Variants in TMEM63B observed in about 807,000 individuals in gnomAD.
TMEM63B encodes transmembrane protein 63B.
TMEM63B carries 23 observed loss-of-function variants against 102.6 expected under a neutral mutation model. That is an observed-to-expected ratio of 0.22 (90% CI 0.16 to 0.32). The LOEUF is 0.32. Among genes scored for constraint, TMEM63B ranks in the 10% least tolerant of loss-of-function variants. TMEM63B has a pLI of 1.00. For missense variants in TMEM63B, 628 were observed against 1,095.9 expected (o/e 0.57, Z 6.03); for synonymous variants, 444 against 437.0 (o/e 1.02, Z -0.20).
chr6:44,127,313 A>C (rs1395726006), upstream of TMEM63B: 3 of 151,728 alleles, frequency 2.0e-5, no homozygotes, highest in African/African-American at 4.8e-5. Context: ...GGGAATGAGG[A>C]CTTAACGCCC....
At chr6:44,147,536 T>A in intron 12 of TMEM63B, 36 bp downstream of exon 12, 1 of 1,610,264 alleles carries the variant, frequency 6.2e-7, no homozygotes, top group Non-Finnish European at 8.5e-7. Flanking sequence ...CGGGAGAAGT[T>A]GGACAGGTCC....
intron 9 of TMEM63B, 72 bp from the exon 10 acceptor site, chr6:44,140,956 C>T (rs890725471): frequency 2.9e-6 from 4 of 1,374,332 alleles, no homozygotes; most frequent in Admixed American, 1.7e-5. Flanking sequence ...CTCTAGTGCC[C>T]CCCACCCCTC....
intron 4 of TMEM63B, 75 bp from the exon 5 acceptor site, chr6:44,136,274 C>T: frequency 8.0e-7 from 1 of 1,246,832 alleles, no homozygotes; most frequent in Non-Finnish European, 1.2e-6. Flanking sequence ...CCCTGGAGCT[C>T]TGGAGCACTC....
chr6:44,131,846 G>A (rs1278569557), intron 1 of TMEM63B, among the ~76,000 whole-genome samples: 1 of 151,330 alleles, frequency 6.6e-6, no homozygotes, highest in African/African-American at 2.4e-5. Flanking sequence ...ATCACTCTCT[G>A]GACACACCTC....
In TMEM63B at chr6:44,150,713, T is replaced by C; in HGVS notation, c.1673+84T>C. The C allele has an allele frequency of 7.1e-7, 1 of 1,415,150 alleles. No homozygotes were observed. 87.7% of individuals were successfully genotyped at this position (1,415,150 alleles called of 1,614,324 possible). ...AGACATTGCCAGCCCCATGGGAGGG[T>C]GCAACAAAGCTTCCAACTCCTGGAG... On this transcript the variant is annotated intron_variant, in intron 18 of 23. Transcript: ENST00000323267. This position sits in a 1 kb window ranked among gnomAD's most constrained non-coding sequence, Gnocchi z 4.7.
intron 18 of TMEM63B, among the ~76,000 whole-genome samples, chr6:44,151,247 C>T (rs1021926398): frequency 1.3e-5 from 2 of 152,060 alleles, no homozygotes; most frequent in African/African-American, 4.8e-5. Context: ...TCTGTATGGG[C>T]ATCTTCTCTG....
chr6:44,141,220 ATCCAGGAAGAAATGTCCGAT>A, intron 10 of TMEM63B, 122 bp downstream of exon 10: 2 of 986,060 alleles, frequency 2.0e-6, no homozygotes, highest in Non-Finnish European at 2.9e-6. Context: ...TAGAGATTAG[ATCCAGGAAGAAATGTCCGAT>A]TCCAGGGTGG....
Position 44,148,172 on chromosome 6 carries a change from C to T in TMEM63B, c.988-80C>T, listed in dbSNP as rs1765825283. The T allele has an allele frequency of 1.3e-6, 2 of 1,575,740 alleles. No homozygotes were observed. The highest frequency in any genetic ancestry group is 1.7e-6 in the Non-Finnish European group (2 of 1,162,162). ...AGCAGTGCCTGGCTTGTAGGAAGCCCCAAGTCAGCGTGGGCTGGATGCTGC... is the reference window on the plus strand; with the variant it reads ...AGCAGTGCCTGGCTTGTAGGAAGCCTCAAGTCAGCGTGGGCTGGATGCTGC... On this transcript the variant is annotated intron_variant, in intron 12 of 23. Coordinates refer to ENST00000323267, the MANE Select transcript of TMEM63B (RefSeq NM_018426.3). The surrounding 1 kb of genome is among the most constrained non-coding windows in gnomAD (Gnocchi z 5.1).
chr6:44,127,423 C>G (rs1296063928), upstream of TMEM63B: 1 of 152,276 alleles, frequency 6.6e-6, no homozygotes, highest in African/African-American at 2.4e-5. Context: ...CTCTTCCTAG[C>G]GCCTGCGCGC....
rs532592532 is a variant in TMEM63B at position 44,154,938 on chromosome 6, C to T, written c.*55C>T. 9 of 1,428,010 alleles carry T rather than the reference C, an allele frequency of 6.3e-6. No homozygotes were observed. Among genetic ancestry groups the T allele is most frequent in the South Asian group, 3.0e-5 (2 of 67,226 alleles). 88.5% of individuals were successfully genotyped at this position (1,428,010 alleles called of 1,614,324 possible). On this transcript the variant is annotated 3_prime_UTR_variant, in exon 24 of 24. Transcript: ENST00000323267. ...CTGCCCCACCCCACCCCCACTCCCACGGACACTAAAACGCTAATAATTTAT... is the reference window on the plus strand; with the variant it reads ...CTGCCCCACCCCACCCCCACTCCCATGGACACTAAAACGCTAATAATTTAT...
chr6:44,135,136 C>T (rs746995600), intron 3 of TMEM63B, 40 bp downstream of exon 3: 97 of 1,606,528 alleles, frequency 6.0e-5, no homozygotes, highest in Non-Finnish European at 7.9e-5. Flanking sequence ...TCCACACACA[C>T]ATCTTGTTCC....
intron 20 of TMEM63B, 37 bp from the exon 21 acceptor site, chr6:44,153,639 C>G (rs374406758): frequency 3.1e-5 from 50 of 1,597,298 alleles, no homozygotes; most frequent in Middle Eastern, 3.4e-4. Flanking sequence ...TTCGGCAGCA[C>G]TGGTTCCGAG....
Position 44,149,995 on chromosome 6 carries a change from G to A in TMEM63B, c.1520+30G>A, listed in dbSNP as rs774357238. 11 of 1,589,674 alleles carry A rather than the reference G, an allele frequency of 6.9e-6. No individual in the cohort carries two copies. The Admixed American group carries it at 8.6e-5, about 12-fold the overall frequency. ...GGTGCCTCCACTCACACCACACCTCGCTGTGGCCTGCCCTCAATGACCCAT... is the reference window on the plus strand; with the variant it reads ...GGTGCCTCCACTCACACCACACCTCACTGTGGCCTGCCCTCAATGACCCAT... On this transcript the variant is annotated intron_variant, in intron 16 of 23. Transcript: ENST00000323267.
chr6:44,154,244 T>G, intron 22 of TMEM63B, 56 bp downstream of exon 22: 1 of 1,601,608 alleles, frequency 6.2e-7, no homozygotes. Context: ...AGGGGAGGAA[T>G]GCAGAGGGCC....
At chr6:44,136,190 G>A (rs1036319642) in intron 4 of TMEM63B, among the ~76,000 whole-genome samples, 159 bp from the exon 5 acceptor site, 1 of 152,192 alleles carries the variant, frequency 6.6e-6, no homozygotes, top group African/African-American at 2.4e-5. Flanking sequence ...ATATTTGAGG[G>A]AAGCAGGGTA....
Position 44,141,203 on chromosome 6 carries a change from G to A in TMEM63B, c.782+105G>A. The A allele has an allele frequency of 2.6e-6, 3 of 1,159,306 alleles. No individual in the cohort carries two copies. The Admixed American group carries it at 7.5e-5, about 29-fold the overall frequency. 71.8% of individuals were successfully genotyped at this position (1,159,306 alleles called of 1,614,324 possible). A position where few individuals can be genotyped will look rare whatever the true frequency, so the allele number is the denominator to read the frequency against. ...TACCCTAGCCTGGAGCTCTGCCGTGGGTGGGATAGAGATTAGATCCAGGAA... is the reference window on the plus strand; with the variant it reads ...TACCCTAGCCTGGAGCTCTGCCGTGAGTGGGATAGAGATTAGATCCAGGAA... On this transcript the variant is annotated intron_variant, in intron 10 of 23. Coordinates refer to ENST00000323267, the MANE Select transcript of TMEM63B (RefSeq NM_018426.3).
chr6:44,132,288 T>C, intron 1 of TMEM63B: 1 of 985,360 alleles, frequency 1.0e-6, no homozygotes, highest in African/African-American at 1.7e-5. Flanking sequence ...CAGAGGAGCA[T>C]GGTGATTTCA....
At chr6:44,143,427 G>C (rs1423509447) in intron 10 of TMEM63B, among the ~76,000 whole-genome samples, 3 of 152,062 alleles carry the variant, frequency 2.0e-5, no homozygotes, top group Non-Finnish European at 2.9e-5. Flanking sequence ...TCTGGGTCAG[G>C]ATTAAGGACA....
chr6:44,140,106 C>T (rs1319870800), intron 8 of TMEM63B, 146 bp from the exon 9 acceptor site: 5 of 667,222 alleles, frequency 7.5e-6, no homozygotes, highest in African/African-American at 1.8e-5. Flanking sequence ...GGATGTGGGC[C>T]TGCCTTGCGA....
Sources: gnomAD v4.1 joint callset for allele counts (sites outside exome capture counted in the v4.1 genomes callset) on GRCh38, gnomAD v4.1.1 for gene constraint, Gnocchi (gnomAD v3.1) non-coding constraint, MANE v1.5 for transcripts, NCBI Gene and HGNC (gene_info 2026-07-23, HGNC 2026-07-21) for gene names.